The following RPL11 variants were observed in gnomAD, a reference collection of about 807,000 sequenced individuals.
The protein encoded by RPL11 is large ribosomal subunit protein uL5.
In RPL11, 3 loss-of-function variants were observed where a neutral mutation model predicts 24.1. The observed-to-expected ratio is 0.12, with a 90% CI of 0.06 to 0.32. RPL11 has a LOEUF of 0.32. RPL11 is among the 10% of genes least tolerant of loss of function. The probability of loss-of-function intolerance (pLI) is 1.00; values close to 1 mark genes in which losing one functional copy is unlikely to be tolerated. For missense variants in RPL11, 146 were observed against 225.7 expected (o/e 0.65, Z 2.26); for synonymous variants, 96 against 75.7 (o/e 1.27, Z -1.39).
chr1:23,693,529 C>T (rs556214637), intron 2 of RPL11, among the ~76,000 whole-genome samples: 2 of 152,280 alleles, frequency 1.3e-5, no homozygotes, highest in Admixed American at 6.5e-5. Context: ...GTGGCTTCTT[C>T]GGCCTATTCT....
intron 2 of RPL11, 60 bp downstream of exon 2, chr1:23,692,819 T>C (rs1570566800): frequency 1.9e-6 from 3 of 1,604,802 alleles, no homozygotes; most frequent in East Asian, 4.5e-5. Flanking sequence ...TGTTTCTTGA[T>C]TTACCTGCTG....
chr1:23,691,794 A>C (rs1458460995), upstream of RPL11: 3 of 1,614,074 alleles, frequency 1.9e-6, no homozygotes, highest in Non-Finnish European at 2.5e-6. Context: ...CCTCGGCCGG[A>C]AGCTCCGCTT....
At chr1:23,692,831 C>G in intron 2 of RPL11, 72 bp downstream of exon 2, 2 of 1,588,494 alleles carry the variant, frequency 1.3e-6, no homozygotes, top group Non-Finnish European at 1.7e-6. Context: ...TACCTGCTGT[C>G]GAGTCTGTTT....
chr1:23,692,380 C>G (rs1014855731), intron 1 of RPL11: 1 of 545,658 alleles, frequency 1.8e-6, no homozygotes, highest in Non-Finnish European at 3.3e-6. Context: ...TCTTTTAACA[C>G]TCAATAACTG....
chr1:23,696,264 T>G (rs576437405), intron 5 of RPL11, 80 bp from the exon 6 acceptor site: 24 of 1,313,594 alleles, frequency 1.8e-5, no homozygotes, highest in Non-Finnish European at 2.3e-5. Flanking sequence ...CAATCAGATG[T>G]GAATTCTCAA....
At position 23,694,567 on chromosome 1, in the gene RPL11, G is replaced by T. The variant is rs187466853; in HGVS notation, c.265-93G>T. ...TTCATTGACTTCTGTTTGCTCTGGGGTGCATGTTGCAGGCTGAGCTATTAA... is the reference window on the plus strand; with the variant it reads ...TTCATTGACTTCTGTTTGCTCTGGGTTGCATGTTGCAGGCTGAGCTATTAA... On this transcript the variant is annotated intron_variant, in intron 3 of 5. Coordinates refer to ENST00000643754, the MANE Select transcript of RPL11 (RefSeq NM_000975.5). 6 of 1,548,864 alleles carry T rather than the reference G, an allele frequency of 3.9e-6. No individual in the cohort carries two copies. In the East Asian group the frequency reaches 1.3e-4, roughly 35 times the overall value.
At position 23,696,557 on chromosome 1, in the gene RPL11, G is replaced by A; in HGVS notation, c.*184G>A. 4.5e-6 allele frequency: 3 copies of A among 666,238 alleles called. No homozygotes were observed. Among genetic ancestry groups the A allele is most frequent in the Non-Finnish European group, 8.1e-6 (3 of 370,328 alleles). The allele number at this position is 666,238 out of a possible 1,614,324, so 41.3% of individuals were successfully genotyped here. A position where few individuals can be genotyped will look rare whatever the true frequency, so the allele number is the denominator to read the frequency against. On this transcript the variant is annotated 3_prime_UTR_variant, in exon 6 of 6. Transcript: ENST00000643754. ...GATTGGATGCCAGTATTTCCTGGCA[G>A]ATCCAAGTCCAAGCTTCATAGCATT... is the stretch of plus-strand genomic sequence containing the variant.
At chr1:23,694,903 G>A (rs1644524066) in intron 4 of RPL11, 112 bp downstream of exon 4, 1 of 1,531,172 alleles carries the variant, frequency 6.5e-7, no homozygotes, top group Non-Finnish European at 9.0e-7. Context: ...AATATTGTCT[G>A]CCTTTGTGTT....
rs76202677 is a variant in RPL11, at chr1:23,695,442, G to A, written c.397-356G>A. The A allele has an allele frequency of 1.8e-4, 59 of 321,454 alleles. 1 individual carries two copies. The East Asian group carries it at 4.3e-3, about 23-fold the overall frequency. 19.9% of individuals were successfully genotyped at this position (321,454 alleles called of 1,614,324 possible). Reference sequence around the variant, plus strand: ...GAAGGAAGAAAATATATATATTTGTGCTTCTCAGAGTTGTATGTTTTCTAC... The same window carrying A: ...GAAGGAAGAAAATATATATATTTGTACTTCTCAGAGTTGTATGTTTTCTAC... On this transcript the variant is annotated intron_variant, in intron 4 of 5. Transcript: ENST00000643754.
At chr1:23,693,755 AG>A (rs1347324621) in intron 2 of RPL11, 51 bp from the exon 3 acceptor site, 1 of 1,173,350 alleles carries the variant, frequency 8.5e-7, no homozygotes, top group East Asian at 2.3e-5. Flanking sequence ...GAAAGAGGTG[AG>A]TGTAGTGGGG....
chr1:23,692,902 T>A, intron 2 of RPL11, 143 bp downstream of exon 2: 4 of 335,794 alleles, frequency 1.2e-5, no homozygotes, highest in Non-Finnish European at 1.8e-5. Context: ...AGAGGTGTCT[T>A]TTTTTTTTTT....
At chr1:23,692,010 C>A (rs1644502892) in intron 1 of RPL11, 181 bp downstream of exon 1, 2 of 851,170 alleles carry the variant, frequency 2.3e-6, no homozygotes, top group Non-Finnish European at 1.9e-6. Flanking sequence ...CTTTCCCTGC[C>A]ATCGTTTTAG....
At chr1:23,696,170 A>C (rs1281003783) in intron 5 of RPL11, among the ~76,000 whole-genome samples, 174 bp from the exon 6 acceptor site, 1 of 152,170 alleles carries the variant, frequency 6.6e-6, no homozygotes, top group African/African-American at 2.4e-5. Flanking sequence ...CTCAGATGAT[A>C]GTGCAGTTCA....
intron 2 of RPL11, 127 bp from the exon 3 acceptor site, chr1:23,693,677 ACAC>A: frequency 1.4e-6 from 1 of 706,692 alleles, no homozygotes; most frequent in Non-Finnish European, 2.6e-6. Context: ...ACTAATTAGA[ACAC>A]CACAACTTAA....
At chr1:23,695,383 G>C in intron 4 of RPL11, 1 of 290,012 alleles carries the variant, frequency 3.4e-6, no homozygotes, top group Non-Finnish European at 6.7e-6. Flanking sequence ...TGGAGGAACA[G>C]CACACCTTTG....
rs144975829 is a variant in RPL11, at chr1:23,692,699, C to T, written c.97C>T (p.Leu33=). The change falls in exon 2 of 6, where the codon CTG becomes TTG. Residue 33 remains leucine (L), a synonymous_variant. Coordinates refer to ENST00000643754, the MANE Select transcript of RPL11 (RefSeq NM_000975.5). ...CTGTGTTGGGGAGAGTGGAGACAGACTGACGCGAGCAGCCAAGGTGTTGGA... is the reference window on the plus strand; with the variant it reads ...CTGTGTTGGGGAGAGTGGAGACAGATTGACGCGAGCAGCCAAGGTGTTGGA... ...NICVGESGDR[L]TRAAKVLEQL... is the part of the protein sequence containing the mutation. The T allele has an allele frequency of 2.5e-6, 4 of 1,614,086 alleles. No individual in the cohort carries two copies. The highest frequency in any genetic ancestry group is 3.4e-6 in the Non-Finnish European group (4 of 1,180,036).
chr1:23,694,843 T>C (rs1031766406), intron 4 of RPL11, 52 bp downstream of exon 4: 4 of 1,612,676 alleles, frequency 2.5e-6, no homozygotes, highest in Admixed American at 1.7e-5. Flanking sequence ...GAGGGGAATC[T>C]TTATTTCATA....
intron 3 of RPL11, among the ~76,000 whole-genome samples, chr1:23,694,156 A>G (rs766708018): frequency 3.9e-4 from 59 of 152,148 alleles, no homozygotes; most frequent in Non-Finnish European, 7.2e-4. Flanking sequence ...CGGTTGGATC[A>G]TTTGTGGCCA....
At chr1:23,693,368 T>C (rs1393111368) in intron 2 of RPL11, among the ~76,000 whole-genome samples, 2 of 152,252 alleles carry the variant, frequency 1.3e-5, no homozygotes, top group African/African-American at 4.8e-5. Context: ...ATTCCACTCC[T>C]GCTTTTTGTT....
Sources: allele counts gnomAD v4.1 joint callset (sites outside exome capture counted in the v4.1 genomes callset), GRCh38; gene constraint gnomAD v4.1.1; transcripts MANE v1.5; gene names NCBI Gene and HGNC (gene_info 2026-07-23, HGNC 2026-07-21).